PTPRD: variants seen among roughly 807,000 people sequenced by gnomAD.
PTPRD encodes the protein receptor-type tyrosine-protein phosphatase delta.
A neutral mutation model predicts 214.5 loss-of-function variants in PTPRD; 34 were observed. That is an observed-to-expected ratio of 0.16 (90% CI 0.12 to 0.21). The LOEUF (loss-of-function observed/expected upper bound fraction) is 0.21, where lower values mean the gene tolerates loss of function less well. PTPRD is among the 10% of genes least tolerant of loss of function. The pLI is 1.00. For synonymous variants in PTPRD, 1,128 were observed against 845.7 expected (o/e 1.33, Z -5.79); for missense variants, 2,545 against 2,398.7 (o/e 1.06, Z -1.27).
chr9:8,442,428 T>TA (rs2095578483), intron 34 of PTPRD, among the ~76,000 whole-genome samples: 1 of 152,182 alleles, frequency 6.6e-6, no homozygotes, highest in South Asian at 2.1e-4. Context: ...TTAATAACGG[T>TA]GGTACATCTT....
chr9:10,137,703 A>T (rs1425071614), intron 3 of PTPRD, among the ~76,000 whole-genome samples: 3 of 11,922 alleles, frequency 2.5e-4, no homozygotes, highest in East Asian at 0.017. Context: ...GAGTATAATA[A>T]AAAAAAAAAA....
At chr9:8,698,165 G>A (rs748606534) in intron 12 of PTPRD, among the ~76,000 whole-genome samples, 3 of 152,216 alleles carry the variant, frequency 2.0e-5, no homozygotes, top group Non-Finnish European at 2.9e-5. Context: ...CAAAGTTGAT[G>A]ATGTAGATAT....
rs61626915 is a variant in PTPRD, at chr9:10,196,781, G to A, written c.-545+144182C>T. ...GCATACCCCCAGAATTTACATGTCA[G>A]CATCCTAACCTGTAAAGTGATAGTG... On this transcript the variant is annotated intron_variant, in intron 3 of 45. Coordinates refer to ENST00000381196, the MANE Select transcript of PTPRD (RefSeq NM_002839.4). Among the ~76,000 whole-genome samples, 690 of 152,196 alleles carry A rather than the reference G, an allele frequency of 4.5e-3. 6 individuals are homozygous for A. The highest frequency in any genetic ancestry group is 0.016 in the African/African-American group (652 of 41,538).
chr9:9,950,133 G>C (rs2093299381), intron 4 of PTPRD, among the ~76,000 whole-genome samples: 1 of 152,120 alleles, frequency 6.6e-6, no homozygotes, highest in South Asian at 2.1e-4. Flanking sequence ...AGCTGTCACT[G>C]TGACAACGAC....
intron 2 of PTPRD, among the ~76,000 whole-genome samples, chr9:10,503,790 T>C (rs1265570594): frequency 6.6e-6 from 1 of 151,748 alleles, no homozygotes; most frequent in Admixed American, 6.6e-5. Context: ...ACAATAGATG[T>C]CCAGGGTAAG....
At position 10,520,719 on chromosome 9, in the gene PTPRD, T is replaced by A. The variant is rs180882937; in HGVS notation, c.-600+91679A>T. The stretch of plus-strand genomic sequence containing the variant: ...GCTGGTGACTTTAAGTTGAAGCTAA[T>A]TCTCATTTACCATTCCCCATATCCT... On this transcript the variant is annotated intron_variant, in intron 2 of 45. Coordinates refer to ENST00000381196, the MANE Select transcript of PTPRD (RefSeq NM_002839.4). Among the ~76,000 whole-genome samples, 376 of 152,214 alleles carry A rather than the reference T, an allele frequency of 2.5e-3. 4 individuals carry two copies. Among genetic ancestry groups the A allele is most frequent in the African/African-American group, 8.6e-3 (359 of 41,546 alleles).
At position 9,625,160 on chromosome 9, in the gene PTPRD, G is replaced by A. The variant is rs149982209; in HGVS notation, c.-286-50379C>T. On this transcript the variant is annotated intron_variant, in intron 7 of 45. Coordinates refer to ENST00000381196, the MANE Select transcript of PTPRD (RefSeq NM_002839.4). ...CCTGCCTTTATTCAGTCCTTATCCA[G>A]GATTGTTTCCATTCTATGACATCTC... Among the ~76,000 whole-genome samples the A allele has an allele frequency of 7.9e-5, 12 of 152,242 alleles. 1 individual carries two copies. Among genetic ancestry groups the A allele is most frequent in the African/African-American group, 1.7e-4 (7 of 41,530 alleles).
Position 9,527,819 on chromosome 9 carries a change from T to C in PTPRD, c.-237+46913A>G, listed in dbSNP as rs191911309. ...TACTGTGTTTGTCCTTTTAGACTTG[T>C]TGCTAGATATTCTACCAACTCCGTA... On this transcript the variant is annotated intron_variant, in intron 8 of 45. Coordinates refer to ENST00000381196, the MANE Select transcript of PTPRD (RefSeq NM_002839.4). Among the ~76,000 whole-genome samples the C allele has an allele frequency of 4.1e-3, 620 of 152,326 alleles. 8 individuals carry two copies. The highest frequency in any genetic ancestry group is 0.014 in the African/African-American group (589 of 41,586).
intron 9 of PTPRD, among the ~76,000 whole-genome samples, chr9:9,326,295 T>C (rs2039864610): frequency 6.6e-6 from 1 of 152,138 alleles, no homozygotes; most frequent in Non-Finnish European, 1.5e-5. Context: ...ATGTGGATAA[T>C]AGAGAATAAG....
At chr9:8,378,367 G>A (rs2135047920) in intron 37 of PTPRD, among the ~76,000 whole-genome samples, 1 of 152,008 alleles carries the variant, frequency 6.6e-6, no homozygotes, top group Admixed American at 6.6e-5. Flanking sequence ...GACATATTTA[G>A]CAAAAGCTAC....
At chr9:9,472,816 C>T (rs1173893528) in intron 8 of PTPRD, among the ~76,000 whole-genome samples, 1 of 152,078 alleles carries the variant, frequency 6.6e-6, no homozygotes, top group Admixed American at 6.6e-5. Context: ...CTCATCTTAT[C>T]CATTTTCTTA....
intron 3 of PTPRD, among the ~76,000 whole-genome samples, chr9:10,268,116 T>C (rs1318285021): frequency 3.5e-5 from 1 of 28,948 alleles, no homozygotes; most frequent in African/African-American, 7.0e-5. Context: ...CATCTCCATC[T>C]TTTTTTTTTT....
At chr9:10,369,660 A>G (rs1394877968) in intron 2 of PTPRD, among the ~76,000 whole-genome samples, 2 of 152,070 alleles carry the variant, frequency 1.3e-5, no homozygotes, top group Non-Finnish European at 2.9e-5. Flanking sequence ...ATAATTGCTG[A>G]CTGCTGCCTA....
intron 44 of PTPRD, among the ~76,000 whole-genome samples, chr9:8,325,934 T>C (rs1467765091): frequency 6.6e-6 from 1 of 152,222 alleles, no homozygotes; most frequent in African/African-American, 2.4e-5. Flanking sequence ...CCTGAGACTT[T>C]CCTGAAGTTG....
At chr9:9,956,261 C>G (rs1036060303) in intron 4 of PTPRD, among the ~76,000 whole-genome samples, 2 of 148,564 alleles carry the variant, frequency 1.3e-5, no homozygotes, top group African/African-American at 2.5e-5. Context: ...TTTACCTCAG[C>G]CCTGATTAAA....
Position 9,472,054 on chromosome 9 carries a change from T to C in PTPRD, c.-236-74572A>G, listed in dbSNP as rs141395050. Among the ~76,000 whole-genome samples the C allele has an allele frequency of 4.7e-3, 720 of 152,304 alleles. 9 individuals carry two copies. Among genetic ancestry groups the C allele is most frequent in the African/African-American group, 0.016 (668 of 41,576 alleles). ...ATATTTTAAGTGTCTAAGTGGTATA[T>C]TGACAGATATAAGATGGTGATCTAT... On this transcript the variant is annotated intron_variant, in intron 8 of 45. Coordinates refer to ENST00000381196, the MANE Select transcript of PTPRD (RefSeq NM_002839.4).
intron 3 of PTPRD, among the ~76,000 whole-genome samples, chr9:10,288,120 A>G (rs2095418981): frequency 8.0e-6 from 1 of 125,304 alleles, no homozygotes; most frequent in African/African-American, 3.1e-5. Flanking sequence ...CTTTGTTGGA[A>G]GACTTGGAAA....
At chr9:9,205,530 T>A (rs948435648) in intron 9 of PTPRD, among the ~76,000 whole-genome samples, 5 of 152,182 alleles carry the variant, frequency 3.3e-5, no homozygotes, top group Non-Finnish European at 5.9e-5. Flanking sequence ...CGTTTTCCCA[T>A]AGAAACTTGA....
At chr9:10,564,949 T>C (rs895267866) in intron 2 of PTPRD, among the ~76,000 whole-genome samples, 3 of 152,172 alleles carry the variant, frequency 2.0e-5, no homozygotes, top group Non-Finnish European at 4.4e-5. Flanking sequence ...CAGTTGACTA[T>C]ATTAGGGCAT....
Sources: gnomAD v4.1 joint callset for allele counts (sites outside exome capture counted in the v4.1 genomes callset) on GRCh38, gnomAD v4.1.1 for gene constraint, MANE v1.5 for transcripts, NCBI Gene and HGNC (gene_info 2026-07-23, HGNC 2026-07-21) for gene names.